KLF8: variants seen among roughly 807,000 people sequenced by gnomAD.
The protein encoded by KLF8 is KLF transcription factor 8.
KLF8 carries 10 observed loss-of-function variants against 18.2 expected under a neutral mutation model. That is an observed-to-expected ratio of 0.55 (90% CI 0.34 to 0.93). The LOEUF (loss-of-function observed/expected upper bound fraction) is 0.93. KLF8 is among the 40% of genes least tolerant of loss of function. The pLI, the probability that KLF8 is intolerant of heterozygous loss-of-function variation, is 0.02. For synonymous variants in KLF8, 109 were observed against 97.3 expected (o/e 1.12, Z -0.71); for missense variants, 264 against 277.9 (o/e 0.95, Z 0.36).
At chrX:55,976,350 T>A in the KLF8 span, among the ~76,000 whole-genome samples, 1 of 111,321 alleles carries the variant, frequency 9.0e-6, no homozygotes, top group Non-Finnish European at 1.9e-5. Flanking sequence ...TTTGTTCTTT[T>A]TACTCAATAT....
the KLF8 span, among the ~76,000 whole-genome samples, chrX:55,912,973 C>G: frequency 1.8e-5 from 2 of 111,939 alleles, no homozygotes; most frequent in Admixed American, 1.9e-4. Flanking sequence ...AGATTTGAAC[C>G]CAAGTGTATG....
the KLF8 span, among the ~76,000 whole-genome samples, chrX:56,072,735 T>A: frequency 8.9e-6 from 1 of 111,800 alleles, no homozygotes; most frequent in Non-Finnish European, 1.9e-5. Flanking sequence ...TTTTAACCAT[T>A]TTAAATGTAC....
At chrX:56,153,830 A>G in the KLF8 span, among the ~76,000 whole-genome samples, 17 of 111,727 alleles carry the variant, frequency 1.5e-4, no homozygotes, top group African/African-American at 5.2e-4. Context: ...CCCATTCACA[A>G]TTGCTTCAAA....
chrX:55,940,031 A>C, the KLF8 span, among the ~76,000 whole-genome samples: 7 of 111,765 alleles, frequency 6.3e-5, no homozygotes, highest in South Asian at 1.5e-3. Context: ...TTTGATGAGG[A>C]CGGCATCATC....
At chrX:56,263,540 C>T (rs2066917022) in intron 2 of KLF8, among the ~76,000 whole-genome samples, 1 of 111,057 alleles carries the variant, frequency 9.0e-6, no homozygotes, top group African/African-American at 3.3e-5. Flanking sequence ...GACTGGAGTG[C>T]AGTGGTGTGA....
chrX:55,957,969 A>T, the KLF8 span, among the ~76,000 whole-genome samples: 3 of 112,384 alleles, frequency 2.7e-5, no homozygotes, highest in Non-Finnish European at 5.6e-5. Context: ...AAATTAAATA[A>T]CTTTTTCAAG....
At chrX:55,922,963 A>G in the KLF8 span, among the ~76,000 whole-genome samples, 3 of 111,912 alleles carry the variant, frequency 2.7e-5, no homozygotes, top group African/African-American at 9.8e-5. Flanking sequence ...TGACTTAGCA[A>G]TCCCATTACT....
the KLF8 span, among the ~76,000 whole-genome samples, chrX:56,221,595 G>C: frequency 7.7e-4 from 86 of 111,063 alleles, 1 homozygote; most frequent in South Asian, 0.034. Context: ...TGGGTTCACG[G>C]TCTCGCTGGC....
At chrX:55,954,702 G>A in the KLF8 span, among the ~76,000 whole-genome samples, 1 of 111,669 alleles carries the variant, frequency 9.0e-6, no homozygotes, top group Non-Finnish European at 1.9e-5. Flanking sequence ...AAAGAGAAAT[G>A]AAAATATATA....
chrX:55,908,387 T>C, the KLF8 span: 4 of 291,986 alleles, frequency 1.4e-5, no homozygotes, highest in Non-Finnish European at 2.4e-5. Flanking sequence ...TTAAAGGGGC[T>C]GGTGATTGAC....
chrX:56,053,296 TTATA>T, the KLF8 span, among the ~76,000 whole-genome samples: 1 of 112,018 alleles, frequency 8.9e-6, no homozygotes, highest in Non-Finnish European at 1.9e-5. Flanking sequence ...TTTGTTTTGT[TTATA>T]TAATGAATCA....
the KLF8 span, among the ~76,000 whole-genome samples, chrX:56,119,800 A>G: frequency 9.3e-6 from 1 of 108,051 alleles, no homozygotes; most frequent in Non-Finnish European, 1.9e-5. Flanking sequence ...TCAGTTACAG[A>G]AGGGGCTGAC....
the KLF8 span, among the ~76,000 whole-genome samples, chrX:56,134,658 G>A: frequency 1.8e-5 from 2 of 110,950 alleles, no homozygotes; most frequent in African/African-American, 6.5e-5. Context: ...ATAAATAGGT[G>A]GAACTTCACT....
At chrX:55,908,585 C>CTT in the KLF8 span, 3 of 295,837 alleles carry the variant, frequency 1.0e-5, no homozygotes, top group Non-Finnish European at 1.8e-5. Context: ...CCCTGGCTAA[C>CTT]ACTCTTTACA....
chrX:56,027,149 C>A, the KLF8 span, among the ~76,000 whole-genome samples: 1 of 112,406 alleles, frequency 8.9e-6, no homozygotes, highest in Non-Finnish European at 1.9e-5. Context: ...CTTTATCCAT[C>A]CTTCTTTTAT....
the KLF8 span, among the ~76,000 whole-genome samples, chrX:56,052,350 T>C: frequency 8.9e-6 from 1 of 112,067 alleles, no homozygotes; most frequent in Non-Finnish European, 1.9e-5. Context: ...GTGCTCTGCT[T>C]TTTAGAGTTT....
At chrX:56,234,631 A>T (rs931221970) in intron 1 of KLF8, among the ~76,000 whole-genome samples, 3 of 112,608 alleles carry the variant, frequency 2.7e-5, no homozygotes, top group African/African-American at 9.7e-5. Flanking sequence ...TTTCCACCAG[A>T]CTTCATCACT....
chrX:56,180,720 C>T, the KLF8 span, among the ~76,000 whole-genome samples: 1 of 111,296 alleles, frequency 9.0e-6, no homozygotes, highest in Non-Finnish European at 1.9e-5. Context: ...TCCTTATGTA[C>T]CTAGTAGTCA....
chrX:56,258,913 T>C (rs922399877), intron 2 of KLF8, among the ~76,000 whole-genome samples: 4 of 111,591 alleles, frequency 3.6e-5, no homozygotes, highest in African/African-American at 1.3e-4. Context: ...TGATTCATTA[T>C]AGGATTTGTT....
Sources: gnomAD v4.1 joint callset for allele counts (sites outside exome capture counted in the v4.1 genomes callset) on GRCh38, gnomAD v4.1.1 for gene constraint, MANE v1.5 for transcripts, NCBI Gene and HGNC (gene_info 2026-07-23, HGNC 2026-07-21) for gene names.